The following FABP6 variants were observed in gnomAD, a reference collection of about 807,000 sequenced individuals.
The protein encoded by FABP6 is fatty acid binding protein 6.
FABP6 carries 13 observed loss-of-function variants against 14.9 expected under a neutral mutation model. The observed-to-expected ratio is 0.87, with a 90% CI of 0.57 to 1.39. FABP6 has a LOEUF of 1.39. Among genes scored for constraint, FABP6 ranks in the 40% most tolerant of loss-of-function variants. FABP6 has a pLI of 0.00. For missense variants in FABP6, 161 were observed against 167.2 expected, an observed-to-expected ratio of 0.96 and a Z score of 0.20; for synonymous variants, 75 against 63.6, an observed-to-expected ratio of 1.18 and a Z score of -0.85.
At chr5:160,200,978 A>G (rs1249413492) in intron 2 of FABP6, among the ~76,000 whole-genome samples, 1 of 152,232 alleles carries the variant, frequency 6.6e-6, no homozygotes, top group African/African-American at 2.4e-5. Flanking sequence ...ATTTAACCCT[A>G]CAAGAGGGTC....
At chr5:160,208,824 T>C (rs1442679346) in intron 2 of FABP6, among the ~76,000 whole-genome samples, 2 of 150,866 alleles carry the variant, frequency 1.3e-5, no homozygotes, top group Admixed American at 6.6e-5. Context: ...TTGCCCAGGC[T>C]GGAGTGCAGT....
intron 1 of FABP6, among the ~76,000 whole-genome samples, chr5:160,192,710 T>G (rs1256293761): frequency 6.6e-6 from 1 of 152,194 alleles, no homozygotes; most frequent in Non-Finnish European, 1.5e-5. Flanking sequence ...AGAGATAATG[T>G]GCTTGTACAG....
upstream of FABP6, chr5:160,229,290 C>T: frequency 1.9e-6 from 1 of 527,994 alleles, no homozygotes; most frequent in Non-Finnish European, 3.1e-6. Context: ...GGTGATGACT[C>T]CTCAAACCCG....
intron 3 of FABP6, among the ~76,000 whole-genome samples, chr5:160,214,866 A>G (rs890373744): frequency 6.6e-6 from 1 of 151,996 alleles, no homozygotes; most frequent in Non-Finnish European, 1.5e-5. Context: ...GAGACACAAA[A>G]CAGAAGCAGA....
intron 2 of FABP6, among the ~76,000 whole-genome samples, chr5:160,206,275 C>T (rs897864238): frequency 6.6e-6 from 1 of 151,958 alleles, no homozygotes; most frequent in African/African-American, 2.4e-5. Flanking sequence ...ACTAAAGATA[C>T]AAAAAATTAG....
chr5:160,218,953 G>A (rs917839165), intron 3 of FABP6, among the ~76,000 whole-genome samples: 1 of 152,054 alleles, frequency 6.6e-6, no homozygotes, highest in African/African-American at 2.4e-5. Context: ...TAGAGCCAGG[G>A]TCTTACTATG....
rs538431913 is a variant in FABP6, at chr5:160,216,225, T to C, written c.135+2406T>C. On this transcript the variant is annotated intron_variant, in intron 3 of 6. Transcript: ENST00000393980. Reference sequence around the variant, plus strand: ...TAGCCTTGTGCTAGTAAGTACTTATTGAGTGAATGAAATGATGAATATATG... The same window carrying C: ...TAGCCTTGTGCTAGTAAGTACTTATCGAGTGAATGAAATGATGAATATATG... 3.9e-5 allele frequency among the ~76,000 whole-genome samples: 6 copies of C among 152,240 alleles called. No homozygotes were observed. The South Asian group carries it at 1.0e-3, about 26-fold the overall frequency.
chr5:160,204,444 T>C (rs1759715384), intron 2 of FABP6, among the ~76,000 whole-genome samples: 1 of 152,188 alleles, frequency 6.6e-6, no homozygotes, highest in Non-Finnish European at 1.5e-5. Flanking sequence ...AGCCCATGTC[T>C]TTCCTCCCCA....
chr5:160,202,237 C>T (rs1759657704), intron 2 of FABP6, among the ~76,000 whole-genome samples: 1 of 152,192 alleles, frequency 6.6e-6, no homozygotes, highest in Admixed American at 6.5e-5. Context: ...GGAGAAGTGG[C>T]ATGGCAGCAT....
At chr5:160,223,501 A>G (rs1466621419) in intron 3 of FABP6, among the ~76,000 whole-genome samples, 1 of 151,348 alleles carries the variant, frequency 6.6e-6, no homozygotes, top group Non-Finnish European at 1.5e-5. Flanking sequence ...TGACTCATGC[A>G]GCCTCTGCCT....
At chr5:160,236,827 A>AG (rs1267701736) in intron 3 of FABP6, among the ~76,000 whole-genome samples, 1 of 151,594 alleles carries the variant, frequency 6.6e-6, no homozygotes, top group Non-Finnish European at 1.5e-5. Flanking sequence ...CAAAAAAAAA[A>AG]AAAAATTAGC....
intron 2 of FABP6, among the ~76,000 whole-genome samples, chr5:160,211,632 C>T (rs1156761238): frequency 6.6e-6 from 1 of 152,144 alleles, no homozygotes; most frequent in South Asian, 2.1e-4. Flanking sequence ...TTGGCAGTGC[C>T]CCAGGGACTG....
At chr5:160,236,599 G>T (rs951557215) in intron 3 of FABP6, among the ~76,000 whole-genome samples, 1 of 152,150 alleles carries the variant, frequency 6.6e-6, no homozygotes, top group Non-Finnish European at 1.5e-5. Context: ...CTCATCTGCT[G>T]ACTTCTAGAC....
At chr5:160,226,183 T>A (rs6556485), upstream of FABP6, among the ~76,000 whole-genome samples, 140,999 of 152,052 alleles carry the variant, frequency 0.93, 65,420 homozygotes, top group East Asian at 0.98. Flanking sequence ...ATAAATAAAT[T>A]AATTAATTAA....
chr5:160,213,072 C>G (rs1580910254), intron 2 of FABP6, among the ~76,000 whole-genome samples: 1 of 152,334 alleles, frequency 6.6e-6, no homozygotes, highest in East Asian at 1.9e-4. Context: ...GTCCCTTCTT[C>G]AAGAACTGTC....
At chr5:160,238,215 G>A (rs781356269) in intron 3 of FABP6, among the ~76,000 whole-genome samples, 57 of 152,182 alleles carry the variant, frequency 3.7e-4, no homozygotes, top group Non-Finnish European at 2.1e-4. Context: ...ACACTGCATG[G>A]TGCAGCCATG....
At chr5:160,223,450 T>A (rs1467727685) in intron 3 of FABP6, among the ~76,000 whole-genome samples, 1 of 148,770 alleles carries the variant, frequency 6.7e-6, no homozygotes, top group East Asian at 2.0e-4. Flanking sequence ...TTTGACAAAT[T>A]CTCGCTCTGT....
chr5:160,232,764 G>A (rs1390872956), intron 2 of FABP6, among the ~76,000 whole-genome samples: 3 of 151,910 alleles, frequency 2.0e-5, no homozygotes, highest in Non-Finnish European at 4.4e-5. Context: ...GGACATAGTG[G>A]TGCATGCCTG....
At chr5:160,209,849 C>G (rs942881595) in intron 2 of FABP6, among the ~76,000 whole-genome samples, 1 of 152,178 alleles carries the variant, frequency 6.6e-6, no homozygotes, top group African/African-American at 2.4e-5. Context: ...CTGCGTCCAG[C>G]CCTTTTCTAT....
Sources: allele counts gnomAD v4.1 joint callset (sites outside exome capture counted in the v4.1 genomes callset), GRCh38; gene constraint gnomAD v4.1.1; transcripts MANE v1.5; gene names NCBI Gene and HGNC (gene_info 2026-07-23, HGNC 2026-07-21).